The following WHRN variants were observed in gnomAD, a reference collection of about 807,000 sequenced individuals.
WHRN encodes the protein CASK-interacting protein CIP98.
A neutral mutation model predicts 68.3 loss-of-function variants in WHRN; 41 were observed. The observed-to-expected ratio is 0.60, with a 90% confidence interval of 0.47 to 0.78. The LOEUF is 0.78. Ranked by LOEUF, WHRN falls within the 30% of genes least tolerant of loss-of-function variation. The probability of loss-of-function intolerance (pLI) is 0.00; values close to 1 mark genes in which losing one functional copy is unlikely to be tolerated. For synonymous variants in WHRN, 560 were observed against 561.3 expected (o/e 1.00, Z 0.03); for missense variants, 1,243 against 1,244.7 (o/e 1.00, Z 0.02).
chr9:114,426,374 G>T lies in WHRN; in HGVS notation c.1003C>A (p.Leu335Ile). The change falls in exon 4 of 12, where the codon CTC becomes ATC. Residue 335 changes from leucine to isoleucine, a missense_variant. Leu to Ile is a conservative substitution (Grantham distance 5). Transcript: ENST00000362057. The part of the protein sequence containing the change: ...QILEVNGRSF[L>I]NILHDEAVRL... The stretch of plus-strand genomic sequence containing the variant: ...ACAGCCTCGTCGTGTAGGATGTTGA[G>T]AAAGCTCCGCCCATTCACTTCTAGA... 6.2e-7 allele frequency: 1 copy of T among 1,613,782 alleles called. No individual in the cohort carries two copies. The highest frequency in any genetic ancestry group is 1.1e-5 in the South Asian group (1 of 91,052).
intron 3 of WHRN, among the ~76,000 whole-genome samples, chr9:114,449,159 A>G (rs1489435753): frequency 1.3e-5 from 2 of 152,138 alleles, no homozygotes; most frequent in African/African-American, 2.4e-5. Flanking sequence ...GATTCAGTAA[A>G]CCATATGTAC....
chr9:114,475,195 C>T (rs546257233), intron 2 of WHRN, among the ~76,000 whole-genome samples: 13 of 152,276 alleles, frequency 8.5e-5, no homozygotes, highest in African/African-American at 2.9e-4. Flanking sequence ...AAGGTTTGAA[C>T]CCAGGCAGCC....
chr9:114,466,329 C>T lies in WHRN; in HGVS notation c.901G>A (p.Gly301Ser), dbSNP rs1226455178. The change falls in exon 3 of 12, where the codon GGC becomes AGC. Residue 301 changes from glycine (G) to serine (S), a missense_variant. By Grantham distance (56) the Gly-to-Ser change is moderately conservative. Coordinates refer to ENST00000362057, the MANE Select transcript of WHRN (RefSeq NM_015404.4). ...ACGCCAGTGATGTAAATGCCAAGGCCGTACTCAGCTCCCCCACGGATCGTG... is the reference window on the plus strand; with the variant it reads ...ACGCCAGTGATGTAAATGCCAAGGCTGTACTCAGCTCCCCCACGGATCGTG... ...GLTIRGGAEY[G>S]LGIYITGVDP... The T allele has an allele frequency of 1.6e-5, 26 of 1,614,020 alleles. No homozygotes were observed. The highest frequency in any genetic ancestry group is 2.2e-5 in the South Asian group (2 of 91,090).
intron 7 of WHRN, among the ~76,000 whole-genome samples, chr9:114,410,301 C>T (rs1321595332): frequency 2.6e-5 from 4 of 152,232 alleles, no homozygotes; most frequent in East Asian, 3.8e-4. Flanking sequence ...TGCAACTACT[C>T]GGTCCTCACT....
At position 114,404,065 on chromosome 9, in the gene WHRN, A is replaced by G. The variant is rs1834857623; in HGVS notation, c.2249T>C (p.Leu750Pro). The change falls in exon 10 of 12, where the codon CTC becomes CCC. Residue 750 changes from leucine (L) to proline (P), a missense_variant. Transcript: ENST00000362057. ...CTGCCCGCTGTCCGAGAGCTGGGAGAGCGTAGAGGCTGCTGGAGAGGGGAA... is the reference window on the plus strand; with the variant it reads ...CTGCCCGCTGTCCGAGAGCTGGGAGGGCGTAGAGGCTGCTGGAGAGGGGAA... ...ALPQTRTAST[L>P]SQLSDSGQTL... 1.9e-6 allele frequency: 3 copies of G among 1,612,754 alleles called. No homozygotes were observed. In the African/African-American group the frequency reaches 4.0e-5, roughly 22 times the overall value.
intron 1 of WHRN, among the ~76,000 whole-genome samples, chr9:114,497,516 TA>T (rs35793267): frequency 8.3e-5 from 12 of 145,056 alleles, no homozygotes; most frequent in Non-Finnish European, 9.0e-5. Flanking sequence ...TTTTTGTTTT[TA>T]AAAAAAAAAA....
intron 2 of WHRN, among the ~76,000 whole-genome samples, chr9:114,469,614 C>G (rs1327962561): frequency 6.6e-6 from 1 of 152,214 alleles, no homozygotes; most frequent in Non-Finnish European, 1.5e-5. Flanking sequence ...GCAGGCCATC[C>G]CAGCTCCAGA....
chr9:114,418,088 A>T (rs759673209), intron 7 of WHRN, among the ~76,000 whole-genome samples: 37 of 152,106 alleles, frequency 2.4e-4, no homozygotes, highest in Non-Finnish European at 4.4e-4. Context: ...CACGTGGAGG[A>T]GGTTTGTCCT....
intron 2 of WHRN, among the ~76,000 whole-genome samples, chr9:114,469,577 G>A (rs1287664090): frequency 6.6e-6 from 1 of 152,132 alleles, no homozygotes; most frequent in Non-Finnish European, 1.5e-5. Context: ...GTAAAAGCCA[G>A]CCCCAGCCTC....
At chr9:114,486,344 T>A (rs529773767) in intron 1 of WHRN, among the ~76,000 whole-genome samples, 51 of 152,334 alleles carry the variant, frequency 3.3e-4, no homozygotes, top group African/African-American at 1.1e-3. Context: ...TCCAAGAGCA[T>A]CCAGCACACT....
At chr9:114,450,403 G>A (rs1297017623) in intron 3 of WHRN, among the ~76,000 whole-genome samples, 1 of 152,104 alleles carries the variant, frequency 6.6e-6, no homozygotes, top group Admixed American at 6.5e-5. Flanking sequence ...CCCCTAGCCT[G>A]GGAGGAAGGC....
At chr9:114,486,922 TGTAGAGTGTGTGTGTGTGTTGTGTGTG>T (rs1564217135) in intron 1 of WHRN, among the ~76,000 whole-genome samples, 16 of 81,864 alleles carry the variant, frequency 2.0e-4, no homozygotes, top group African/African-American at 5.9e-4. Context: ...TGTGTGTGTG[TGTAGAGTGTGTGTGTGTGTTGTGTGTG>T]TGTGTGTGTG....
chr9:114,472,619 C>T (rs1841331390), intron 2 of WHRN, among the ~76,000 whole-genome samples: 1 of 152,140 alleles, frequency 6.6e-6, no homozygotes, highest in Admixed American at 6.5e-5. Flanking sequence ...TTACGGTCCC[C>T]CCACAACACA....
chr9:114,407,221 G>A (rs1835102471), intron 8 of WHRN, among the ~76,000 whole-genome samples: 1 of 152,208 alleles, frequency 6.6e-6, no homozygotes, highest in South Asian at 2.1e-4. Context: ...TACAAAAAAT[G>A]CATTTATTTG....
chr9:114,480,866 C>T (rs982633757), intron 1 of WHRN, among the ~76,000 whole-genome samples: 1 of 152,122 alleles, frequency 6.6e-6, no homozygotes, highest in Non-Finnish European at 1.5e-5. Flanking sequence ...ACTGGAAAAA[C>T]AAAATGAAAC....
intron 1 of WHRN, among the ~76,000 whole-genome samples, chr9:114,488,517 G>C (rs576859358): frequency 1.3e-5 from 2 of 152,092 alleles, no homozygotes; most frequent in African/African-American, 4.8e-5. Flanking sequence ...TTAAACACCA[G>C]GCCAATCCTA....
intron 7 of WHRN, among the ~76,000 whole-genome samples, chr9:114,422,095 G>C (rs1836339687): frequency 6.6e-6 from 1 of 152,176 alleles, no homozygotes; most frequent in Admixed American, 6.5e-5. Context: ...TTAACCATCT[G>C]TGTTTATAAC....
chr9:114,471,204 A>G (rs1041193140), intron 2 of WHRN, among the ~76,000 whole-genome samples: 3 of 152,130 alleles, frequency 2.0e-5, no homozygotes, highest in Admixed American at 6.6e-5. Flanking sequence ...TACTGCTAAT[A>G]ATATTAATAG....
At chr9:114,461,807 T>C (rs1386528826) in intron 3 of WHRN, among the ~76,000 whole-genome samples, 1 of 152,254 alleles carries the variant, frequency 6.6e-6, no homozygotes, top group Non-Finnish European at 1.5e-5. Flanking sequence ...ATTGGTTCCA[T>C]GTGCTTTGCC....
Sources: allele counts gnomAD v4.1 joint callset (sites outside exome capture counted in the v4.1 genomes callset), GRCh38; gene constraint gnomAD v4.1.1; transcripts MANE v1.5; gene names NCBI Gene and HGNC (gene_info 2026-07-23, HGNC 2026-07-21).